GRID2IP: variants seen among roughly 807,000 people sequenced by gnomAD.
The protein encoded by GRID2IP is Grid2 interacting protein, also known as delphilin.
GRID2IP carries 78 observed loss-of-function variants against 114.3 expected under a neutral mutation model. That is an observed-to-expected ratio of 0.68 (90% confidence interval 0.57 to 0.82). GRID2IP has a LOEUF of 0.82. Ranked by LOEUF, GRID2IP falls within the 40% of genes least tolerant of loss-of-function variation. GRID2IP has a pLI of 0.00. For missense variants in GRID2IP, 1,727 were observed against 1,678.5 expected (o/e 1.03, Z -0.51); for synonymous variants, 809 against 724.0 (o/e 1.12, Z -1.89).
intron 2 of GRID2IP, among the ~76,000 whole-genome samples, chr7:6,539,118 A>C (rs1779774936): frequency 6.9e-6 from 1 of 144,012 alleles, no homozygotes; most frequent in Admixed American, 7.2e-5. Context: ...GGGGTGGAGC[A>C]GGGCAGACTG....
chr7:6,541,142 C>G (rs1049250953), intron 1 of GRID2IP, among the ~76,000 whole-genome samples: 30 of 152,096 alleles, frequency 2.0e-4, no homozygotes, highest in African/African-American at 6.0e-4. Context: ...ACCACGGCCT[C>G]CCAAGGTGCT....
In GRID2IP at chr7:6,508,853, T is replaced by C; in HGVS notation, c.2127+105A>G. 6.9e-7 allele frequency: 1 copy of C among 1,458,206 alleles called. No homozygotes were observed. Among genetic ancestry groups the C allele is most frequent in the Non-Finnish European group, 9.1e-7 (1 of 1,104,750 alleles). The allele number at this position is 1,458,206 out of a possible 1,614,324, so 90.3% of individuals were successfully genotyped here. Reference sequence around the variant, plus strand: ...AGGGAGTGGGATAGCCTGGGGAAGATCCCAAGGGCAGCAGGCCCCTTGCGG... The same window carrying C: ...AGGGAGTGGGATAGCCTGGGGAAGACCCCAAGGGCAGCAGGCCCCTTGCGG... On this transcript the variant is annotated intron_variant, in intron 12 of 21. Transcript: ENST00000457091. This position sits in a 1 kb window ranked among gnomAD's most constrained non-coding sequence, Gnocchi z 5.6.
At chr7:6,550,959 A>G (rs959781668) in intron 1 of GRID2IP, 49 bp downstream of exon 1, 116 of 1,187,212 alleles carry the variant, frequency 9.8e-5, no homozygotes, top group Non-Finnish European at 1.2e-4. Flanking sequence ...CCCTGCCCAC[A>G]TTATGAGCCC....
At chr7:6,513,036 C>A (rs1049985991) in intron 8 of GRID2IP, among the ~76,000 whole-genome samples, 5 of 152,120 alleles carry the variant, frequency 3.3e-5, no homozygotes, top group African/African-American at 1.2e-4. Context: ...ACATGACCTG[C>A]ATGCTGAGTG....
At chr7:6,502,718 G>A in intron 18 of GRID2IP, 68 bp downstream of exon 18, 1 of 1,159,668 alleles carries the variant, frequency 8.6e-7, no homozygotes, top group Non-Finnish European at 1.3e-6. Context: ...CCACAACTGA[G>A]CTAGGCCTGG....
chr7:6,519,290 T>G lies in GRID2IP; in HGVS notation c.1268+1288A>C, dbSNP rs1203447526. ...TGTGAATATACTAAAAACCACTGAATTGTATAATTAAATGGCAAATTGTAT... is the reference window on the plus strand; with the variant it reads ...TGTGAATATACTAAAAACCACTGAAGTGTATAATTAAATGGCAAATTGTAT... On this transcript the variant is annotated intron_variant, in intron 7 of 21. Transcript: ENST00000457091. This position sits in a 1 kb window ranked among gnomAD's most constrained non-coding sequence, Gnocchi z 4.1. Among the ~76,000 whole-genome samples the G allele has an allele frequency of 2.0e-5, 3 of 152,190 alleles. No individual in the cohort carries two copies. Among genetic ancestry groups the G allele is most frequent in the African/African-American group, 7.2e-5 (3 of 41,450 alleles).
intron 8 of GRID2IP, 149 bp from the exon 9 acceptor site, chr7:6,511,188 T>G: frequency 7.3e-6 from 8 of 1,101,782 alleles, no homozygotes; most frequent in South Asian, 3.7e-5. Flanking sequence ...AGAACAGCTC[T>G]TGAGGGGAAG....
intron 15 of GRID2IP, among the ~76,000 whole-genome samples, chr7:6,504,209 G>A (rs903978648): frequency 3.3e-5 from 5 of 150,696 alleles, no homozygotes; most frequent in African/African-American, 4.9e-5. Flanking sequence ...ATTGGCCGGG[G>A]CTACTGTGAG....
chr7:6,539,904 G>A, intron 1 of GRID2IP, 32 bp from the exon 2 acceptor site: 3 of 1,539,554 alleles, frequency 1.9e-6, no homozygotes, highest in Non-Finnish European at 2.6e-6. Context: ...ATGACCAAAA[G>A]GGATCCAGAG....
In GRID2IP at chr7:6,503,087, T is replaced by C; in HGVS notation, c.2984A>G (p.Glu995Gly). The change falls in exon 17 of 22, where the codon GAG becomes GGG. Residue 995 changes from glutamate to glycine, a missense_variant. By Grantham distance (98) the Glu-to-Gly change is moderately conservative. Transcript: ENST00000457091. ...FQATLQEKTE[E>G]IRGSLECLRQ... is the part of the protein sequence containing the mutation. ...CAAGCATTCAAGGCTGCCTCGGATC[T>C]CCTCTGTCTTCTCCTGGAGGGTGGC... 6.4e-7 allele frequency: 1 copy of C among 1,551,388 alleles called. No homozygotes were observed. The highest frequency in any genetic ancestry group is 8.7e-7 in the Non-Finnish European group (1 of 1,146,872).
At position 6,536,315 on chromosome 7, in the gene GRID2IP, C is replaced by T. The variant is rs531036334; in HGVS notation, c.584+3403G>A. On this transcript the variant is annotated intron_variant, in intron 2 of 21. Transcript: ENST00000457091. The surrounding 1 kb of genome is among the most constrained non-coding windows in gnomAD (Gnocchi z 5.3). ...TGGCGCACTTGACACGCGCTTACAG[C>T]AGAGGCTGCCGTTTCAAGCTGCGGG... Among the ~76,000 whole-genome samples, 1 of 152,360 alleles carries T rather than the reference C, an allele frequency of 6.6e-6. No homozygotes were observed. The highest frequency in any genetic ancestry group is 1.9e-4 in the East Asian group (1 of 5,180).
Position 6,507,116 on chromosome 7 carries a change from A to T in GRID2IP, c.2544+869T>A, listed in dbSNP as rs1199346153. ...GCATGCCTCTGCCCAGTGTGACTACATGTGAGAGTGAGCTATTGATCCCAA... is the reference window on the plus strand; with the variant it reads ...GCATGCCTCTGCCCAGTGTGACTACTTGTGAGAGTGAGCTATTGATCCCAA... On this transcript the variant is annotated intron_variant, in intron 13 of 21. Coordinates refer to ENST00000457091, the MANE Select transcript of GRID2IP (RefSeq NM_001145118.2). This position sits in a 1 kb window ranked among gnomAD's most constrained non-coding sequence, Gnocchi z 5.3. 6.6e-6 allele frequency among the ~76,000 whole-genome samples: 1 copy of T among 152,220 alleles called. No individual in the cohort carries two copies. Among genetic ancestry groups the T allele is most frequent in the East Asian group, 1.9e-4 (1 of 5,198 alleles).
Position 6,510,751 on chromosome 7 carries a change from A to G in GRID2IP, c.1556-45T>C, listed in dbSNP as rs971090209. The G allele has an allele frequency of 1.2e-5, 18 of 1,524,070 alleles. No homozygotes were observed. In the Middle Eastern group the frequency reaches 6.8e-4, roughly 57 times the overall value. 94.4% of individuals were successfully genotyped at this position (1,524,070 alleles called of 1,614,324 possible). A position where few individuals can be genotyped will look rare whatever the true frequency, so the allele number is the denominator to read the frequency against. ...TTACCGTATCTGAGCTCTACGGCTCAGGCCCCGGCCCAGAACCAACATGCC... is the reference window on the plus strand; with the variant it reads ...TTACCGTATCTGAGCTCTACGGCTCGGGCCCCGGCCCAGAACCAACATGCC... On this transcript the variant is annotated intron_variant, in intron 9 of 21. Coordinates refer to ENST00000457091, the MANE Select transcript of GRID2IP (RefSeq NM_001145118.2).
chr7:6,517,931 TA>T (rs1380447039), intron 7 of GRID2IP, among the ~76,000 whole-genome samples: 2 of 143,962 alleles, frequency 1.4e-5, no homozygotes, highest in African/African-American at 5.5e-5. Flanking sequence ...AATAAATAAA[TA>T]AAATAAAATA....
intron 8 of GRID2IP, among the ~76,000 whole-genome samples, chr7:6,513,056 G>A (rs552742606): frequency 6.6e-6 from 1 of 152,260 alleles, no homozygotes; most frequent in Admixed American, 6.5e-5. Flanking sequence ...GCAGGGGTTT[G>A]TGGGCATTCG....
chr7:6,500,391 G>A (rs767470019), intron 20 of GRID2IP, among the ~76,000 whole-genome samples: 6 of 152,138 alleles, frequency 3.9e-5, no homozygotes, highest in Non-Finnish European at 5.9e-5. Context: ...TTGAACCCAG[G>A]AGGTAGAGGT....
rs773330756 is a variant in GRID2IP, at chr7:6,508,041, C to T, written c.2488G>A (p.Val830Ile). The change falls in exon 13 of 22, where the codon GTC becomes ATC. Residue 830 changes from valine to isoleucine, a missense_variant. Coordinates refer to ENST00000457091, the MANE Select transcript of GRID2IP (RefSeq NM_001145118.2). The surrounding 1 kb of genome is among the most constrained non-coding windows in gnomAD (Gnocchi z 5.6). Reference sequence around the variant, plus strand: ...ACCTGTTCCCACCGCAAGCGCTTGACGCTCATGTGGCTGGTCTCACTGCGC... The same window carrying T: ...ACCTGTTCCCACCGCAAGCGCTTGATGCTCATGTGGCTGGTCTCACTGCGC... ...HRRSETSHMS[V>I]KRLRWEQVEN... 1.1e-5 allele frequency: 17 copies of T among 1,549,106 alleles called. No individual in the cohort carries two copies. The highest frequency in any genetic ancestry group is 1.7e-4 in the Middle Eastern group (1 of 6,000).
intron 14 of GRID2IP, among the ~76,000 whole-genome samples, chr7:6,505,435 G>C (rs937352972): frequency 1.3e-5 from 2 of 148,818 alleles, no homozygotes; most frequent in South Asian, 2.1e-4. Context: ...TGGTGTGATC[G>C]CGGCTCACTG....
At chr7:6,522,960 C>T (rs1203358799) in intron 4 of GRID2IP, among the ~76,000 whole-genome samples, 6 of 151,920 alleles carry the variant, frequency 3.9e-5, no homozygotes, top group Non-Finnish European at 7.4e-5. Flanking sequence ...CTACCATGCC[C>T]GGCCACCCAA....
Sources: gnomAD v4.1 joint callset for allele counts (sites outside exome capture counted in the v4.1 genomes callset) on GRCh38, gnomAD v4.1.1 for gene constraint, Gnocchi (gnomAD v3.1) non-coding constraint, MANE v1.5 for transcripts, NCBI Gene and HGNC (gene_info 2026-07-23, HGNC 2026-07-21) for gene names.